The following IL2RA variants were observed in gnomAD, a reference collection of about 807,000 sequenced individuals.
IL2RA encodes the protein interleukin-2 receptor subunit alpha.
In IL2RA, 24 loss-of-function variants were observed where a neutral mutation model predicts 37.8. The ratio of observed to expected loss-of-function variants is 0.63; its 90% CI spans 0.46 to 0.89. The LOEUF is 0.89. IL2RA is among the 40% of genes least tolerant of loss of function. IL2RA has a pLI of 0.00. For synonymous variants in IL2RA, 125 were observed against 114.6 expected (o/e 1.09, Z -0.58); for missense variants, 319 against 348.6 (o/e 0.92, Z 0.68).
At chr10:6,024,660 T>A (rs1839450755) in intron 2 of IL2RA, among the ~76,000 whole-genome samples, 2 of 152,108 alleles carry the variant, frequency 1.3e-5, no homozygotes, top group Non-Finnish European at 2.9e-5. Flanking sequence ...ATGTCATGTA[T>A]GTTATGTGTG....
intron 1 of IL2RA, among the ~76,000 whole-genome samples, chr10:6,034,821 C>T (rs12722528): frequency 0.053 from 8,127 of 152,254 alleles, 362 homozygotes; most frequent in Admixed American, 0.15. Context: ...CCTAGCTCTA[C>T]GCACTCCCCC....
At chr10:6,037,593 C>A (rs1484318811) in intron 1 of IL2RA, among the ~76,000 whole-genome samples, 1 of 152,222 alleles carries the variant, frequency 6.6e-6, no homozygotes, top group African/African-American at 2.4e-5. Flanking sequence ...GCATCAAGAG[C>A]TTGGGCCACT....
In IL2RA at chr10:6,062,273, G is replaced by A. The variant is rs1037273996; in HGVS notation, c.-122C>T. ...GGATGTGGGATGGGAAGATCGGTCCGCCTGGGCTGTCACCCTTGTGGGTCC... is the reference window on the plus strand; with the variant it reads ...GGATGTGGGATGGGAAGATCGGTCCACCTGGGCTGTCACCCTTGTGGGTCC... On this transcript the variant is annotated 5_prime_UTR_variant, in exon 1 of 8. Coordinates refer to ENST00000379959, the MANE Select transcript of IL2RA (RefSeq NM_000417.3). The A allele has an allele frequency of 2.5e-6, 2 of 800,782 alleles. No individual in the cohort carries two copies. Among genetic ancestry groups the A allele is most frequent in the Admixed American group, 2.0e-5 (1 of 50,158 alleles). The allele number at this position is 800,782 out of a possible 1,614,324, so 49.6% of individuals were successfully genotyped here.
intron 1 of IL2RA, among the ~76,000 whole-genome samples, chr10:6,030,948 A>G (rs1839565605): frequency 6.6e-6 from 1 of 152,150 alleles, no homozygotes; most frequent in Non-Finnish European, 1.5e-5. Flanking sequence ...TTCATGCTGA[A>G]TAGCCTAGAG....
At chr10:6,026,145 A>G in intron 1 of IL2RA, 120 bp from the exon 2 acceptor site, 8 of 1,055,332 alleles carry the variant, frequency 7.6e-6, no homozygotes, top group South Asian at 1.4e-5. Flanking sequence ...GGTATGCCCT[A>G]CTTTTTGTGA....
chr10:6,029,348 A>G lies in IL2RA; in HGVS notation c.65-3323T>C, dbSNP rs1839539366. Among the ~76,000 whole-genome samples the G allele has an allele frequency of 6.6e-6, 1 of 151,906 alleles. No homozygotes were observed. Among genetic ancestry groups the G allele is most frequent in the Admixed American group, 6.6e-5 (1 of 15,254 alleles). Reference sequence around the variant, plus strand: ...TCTGGCTACTTTTTGTGTTTTTAGTAGAGATGAGGTTTCACCACGTTTGCC... The same window carrying G: ...TCTGGCTACTTTTTGTGTTTTTAGTGGAGATGAGGTTTCACCACGTTTGCC... On this transcript the variant is annotated intron_variant, in intron 1 of 7. Coordinates refer to ENST00000379959, the MANE Select transcript of IL2RA (RefSeq NM_000417.3). This position sits in a 1 kb window ranked among gnomAD's most constrained non-coding sequence, Gnocchi z 4.6.
Position 6,057,212 on chromosome 10 carries a change from G to A in IL2RA, c.64+4876C>T, listed in dbSNP as rs1371742042. On this transcript the variant is annotated intron_variant, in intron 1 of 7. Transcript: ENST00000379959. The surrounding 1 kb of genome is among the most constrained non-coding windows in gnomAD (Gnocchi z 4.8). ...TTGAAAAGGGGCATGAGAGATATTG[G>A]ATAGATTTTGAGAATTGAGTGAGTG... Among the ~76,000 whole-genome samples, 1 of 152,168 alleles carries A rather than the reference G, an allele frequency of 6.6e-6. No individual in the cohort carries two copies. The highest frequency in any genetic ancestry group is 2.4e-5 in the African/African-American group (1 of 41,436).
In IL2RA at chr10:6,018,224, C is replaced by T. The variant is rs1352326787; in HGVS notation, c.728-105G>A. ...CTGAGGACATCCCCAAAGAGCAAGG[C>T]GGAGGCTGCAGCCTCTCTTCCCTGT... On this transcript the variant is annotated intron_variant, in intron 6 of 7. Transcript: ENST00000379959. The surrounding 1 kb of genome is among the most constrained non-coding windows in gnomAD (Gnocchi z 5.1). 3 of 835,808 alleles carry T rather than the reference C, an allele frequency of 3.6e-6. No individual in the cohort carries two copies. The highest frequency in any genetic ancestry group is 2.6e-5 in the East Asian group (1 of 39,102). The allele number at this position is 835,808 out of a possible 1,614,324, so 51.8% of individuals were successfully genotyped here. A position where few individuals can be genotyped will look rare whatever the true frequency, so the allele number is the denominator to read the frequency against.
chr10:6,031,401 C>T (rs1839571774), intron 1 of IL2RA, among the ~76,000 whole-genome samples: 1 of 140,614 alleles, frequency 7.1e-6, no homozygotes, highest in Non-Finnish European at 1.5e-5. Flanking sequence ...ACTGAGGGAT[C>T]TGCAAAATGG....
intron 1 of IL2RA, among the ~76,000 whole-genome samples, chr10:6,027,541 C>G (rs1252607033): frequency 1.3e-5 from 2 of 152,218 alleles, no homozygotes; most frequent in East Asian, 1.9e-4. Context: ...CTAGCTCCAG[C>G]AGCTTACAAG....
At chr10:6,041,281 A>G (rs1343097547) in intron 1 of IL2RA, among the ~76,000 whole-genome samples, 1 of 151,784 alleles carries the variant, frequency 6.6e-6, no homozygotes, top group Non-Finnish European at 1.5e-5. Flanking sequence ...CGCCCAGCTA[A>G]TTTTTTTGTA....
chr10:6,050,421 G>A (rs1839931506), intron 1 of IL2RA, among the ~76,000 whole-genome samples: 1 of 152,180 alleles, frequency 6.6e-6, no homozygotes, highest in Non-Finnish European at 1.5e-5. Context: ...TGGATCAATT[G>A]AGGTCAGGAG....
In IL2RA at chr10:6,021,276, T is replaced by C. The variant is rs753647981; in HGVS notation, c.583+202A>G. Among the ~76,000 whole-genome samples the C allele has an allele frequency of 7.2e-5, 11 of 151,800 alleles. No individual in the cohort carries two copies. The highest frequency in any genetic ancestry group is 1.2e-4 in the African/African-American group (5 of 41,282). ...CACTCAGGGCACAGGGGGACCTTCATTGAAGGAGCCCTTAGAGTCCATCTG... is the reference window on the plus strand; with the variant it reads ...CACTCAGGGCACAGGGGGACCTTCACTGAAGGAGCCCTTAGAGTCCATCTG... On this transcript the variant is annotated intron_variant, in intron 4 of 7. Transcript: ENST00000379959. The surrounding 1 kb of genome is among the most constrained non-coding windows in gnomAD (Gnocchi z 4.9).
In IL2RA at chr10:6,021,304, C is replaced by T. The variant is rs141371713; in HGVS notation, c.583+174G>A. Reference sequence around the variant, plus strand: ...AAGGAGCCCTTAGAGTCCATCTGATCTGGTCTATTTAAATTTTTTTTTTTT... The same window carrying T: ...AAGGAGCCCTTAGAGTCCATCTGATTTGGTCTATTTAAATTTTTTTTTTTT... On this transcript the variant is annotated intron_variant, in intron 4 of 7. Transcript: ENST00000379959. The surrounding 1 kb of genome is among the most constrained non-coding windows in gnomAD (Gnocchi z 4.9). Among the ~76,000 whole-genome samples, 113 of 110,906 alleles carry T rather than the reference C, an allele frequency of 1.0e-3. No homozygotes were observed. Among genetic ancestry groups the T allele is most frequent in the Middle Eastern group, 4.5e-3 (1 of 222 alleles). The allele number at this position is 110,906 out of a possible 152,430, so 72.8% of individuals were successfully genotyped here.
In IL2RA at chr10:6,021,758, C is replaced by A; in HGVS notation, c.368-65G>T. ...CAGCACCGCGAGTGAGTCCAGGTTG[C>A]CTCTTGCTAGGGACTGGACCTTGGT... On this transcript the variant is annotated intron_variant, in intron 3 of 7. Coordinates refer to ENST00000379959, the MANE Select transcript of IL2RA (RefSeq NM_000417.3). The surrounding 1 kb of genome is among the most constrained non-coding windows in gnomAD (Gnocchi z 4.9). The A allele has an allele frequency of 1.5e-6, 2 of 1,359,798 alleles. No homozygotes were observed. Among genetic ancestry groups the A allele is most frequent in the Non-Finnish European group, 2.1e-6 (2 of 953,026 alleles). The allele number at this position is 1,359,798 out of a possible 1,614,324, so 84.2% of individuals were successfully genotyped here. A position where few individuals can be genotyped will look rare whatever the true frequency, so the allele number is the denominator to read the frequency against.
chr10:6,019,365 A>G, intron 6 of IL2RA, 63 bp downstream of exon 6: 1 of 1,261,492 alleles, frequency 7.9e-7, no homozygotes, highest in Non-Finnish European at 1.2e-6. Flanking sequence ...CCTACTAACC[A>G]GTCAACCTGT....
intron 6 of IL2RA, among the ~76,000 whole-genome samples, 182 bp downstream of exon 6, chr10:6,019,246 A>G (rs547084203): frequency 6.6e-6 from 1 of 152,270 alleles, no homozygotes; most frequent in African/African-American, 2.4e-5. Flanking sequence ...CAACCAACTA[A>G]CCAACTAACC....
At position 6,054,621 on chromosome 10, in the gene IL2RA, A is replaced by G. The variant is rs1327598021; in HGVS notation, c.64+7467T>C. Reference sequence around the variant, plus strand: ...CCTCATCTCTCTAATTGGTCAGCTCACTACTCATGGAACACGGTCCATGTA... The same window carrying G: ...CCTCATCTCTCTAATTGGTCAGCTCGCTACTCATGGAACACGGTCCATGTA... On this transcript the variant is annotated intron_variant, in intron 1 of 7. Coordinates refer to ENST00000379959, the MANE Select transcript of IL2RA (RefSeq NM_000417.3). The surrounding 1 kb of genome is among the most constrained non-coding windows in gnomAD (Gnocchi z 4.5). Among the ~76,000 whole-genome samples, 3 of 152,122 alleles carry G rather than the reference A, an allele frequency of 2.0e-5. No individual in the cohort carries two copies.
Position 6,022,677 on chromosome 10 carries a change from T to C in IL2RA, c.368-984A>G, listed in dbSNP as rs778035990. Among the ~76,000 whole-genome samples the C allele has an allele frequency of 5.9e-5, 9 of 152,226 alleles. No individual in the cohort carries two copies. The highest frequency in any genetic ancestry group is 1.0e-4 in the Non-Finnish European group (7 of 68,036). On this transcript the variant is annotated intron_variant, in intron 3 of 7. Transcript: ENST00000379959. The surrounding 1 kb of genome is among the most constrained non-coding windows in gnomAD (Gnocchi z 4.7). ...TCACGACTGAACTTGTGTTTTGGTCTCAGGATAAAAGGTTGTTTGACAGCC... is the reference window on the plus strand; with the variant it reads ...TCACGACTGAACTTGTGTTTTGGTCCCAGGATAAAAGGTTGTTTGACAGCC...
Sources: gnomAD v4.1 joint callset for allele counts (sites outside exome capture counted in the v4.1 genomes callset) on GRCh38, gnomAD v4.1.1 for gene constraint, Gnocchi (gnomAD v3.1) non-coding constraint, MANE v1.5 for transcripts, NCBI Gene and HGNC (gene_info 2026-07-23, HGNC 2026-07-21) for gene names.